Variants in LRRFIP1 observed in about 807,000 individuals in gnomAD.
The protein encoded by LRRFIP1 is LRR binding FLII interacting protein 1.
In LRRFIP1, 62 loss-of-function variants were observed where a neutral mutation model predicts 104.4. The observed-to-expected ratio is 0.59, with a 90% CI of 0.48 to 0.73. LRRFIP1 has a LOEUF of 0.73. Ranked by LOEUF, LRRFIP1 falls within the 30% of genes least tolerant of loss-of-function variation. The pLI is 0.00. For synonymous variants in LRRFIP1, 300 were observed against 299.0 expected, an observed-to-expected ratio of 1.00 and a Z score of -0.03; for missense variants, 796 against 824.5, an observed-to-expected ratio of 0.97 and a Z score of 0.42.
At chr2:237,732,704 TCTC>T (rs1404179431) in intron 8 of LRRFIP1, among the ~76,000 whole-genome samples, 2 of 152,226 alleles carry the variant, frequency 1.3e-5, no homozygotes, top group African/African-American at 4.8e-5. Context: ...CTCTTGGGTC[TCTC>T]CTCCTTTTCC....
At chr2:237,728,108 C>T (rs2150285815) in intron 8 of LRRFIP1, among the ~76,000 whole-genome samples, 173 bp downstream of exon 8, 1 of 152,194 alleles carries the variant, frequency 6.6e-6, no homozygotes, top group East Asian at 1.9e-4. Context: ...TGTTTTTCAA[C>T]TAGCAAACAT....
intron 2 of LRRFIP1, among the ~76,000 whole-genome samples, chr2:237,710,744 C>T (rs570026793): frequency 1.2e-4 from 17 of 146,456 alleles, no homozygotes; most frequent in Middle Eastern, 7.0e-3. Flanking sequence ...GGCAAGCAGT[C>T]ATCGATTTGA....
chr2:237,737,728 C>T (rs543565062), intron 10 of LRRFIP1, among the ~76,000 whole-genome samples: 1 of 152,276 alleles, frequency 6.6e-6, no homozygotes, highest in African/African-American at 2.4e-5. Flanking sequence ...TTATTTTCAA[C>T]AAGAATGCCA....
chr2:237,758,679 G>A, intron 17 of LRRFIP1, 50 bp from the exon 18 acceptor site: 1 of 1,300,072 alleles, frequency 7.7e-7, no homozygotes, highest in South Asian at 1.2e-5. Context: ...GAAGTAACTT[G>A]CTCATCTGTG....
intron 1 of LRRFIP1, among the ~76,000 whole-genome samples, chr2:237,705,678 G>T (rs369908011): frequency 6.7e-6 from 1 of 149,872 alleles, no homozygotes; most frequent in Non-Finnish European, 1.5e-5. Flanking sequence ...AAAAAAAAAA[G>T]AGCCTGGACT....
At chr2:237,778,807 C>T (rs892064186) in intron 23 of LRRFIP1, among the ~76,000 whole-genome samples, 12 of 152,018 alleles carry the variant, frequency 7.9e-5, no homozygotes, top group African/African-American at 2.7e-4. Flanking sequence ...GTCTCAGCTA[C>T]TCAGGAGGCT....
chr2:237,729,692 A>T, intron 8 of LRRFIP1: 1 of 519,734 alleles, frequency 1.9e-6, no homozygotes, highest in Non-Finnish European at 2.5e-6. Flanking sequence ...GTGCTGTTCC[A>T]TGTTCGCCTT....
intron 1 of LRRFIP1, among the ~76,000 whole-genome samples, chr2:237,646,403 T>C (rs1298797446): frequency 2.6e-5 from 4 of 151,814 alleles, no homozygotes; most frequent in African/African-American, 9.7e-5. Flanking sequence ...CCTGATGCTC[T>C]CCCTCCCCAC....
At chr2:237,745,861 G>C (rs1216240951) in intron 11 of LRRFIP1, among the ~76,000 whole-genome samples, 1 of 152,020 alleles carries the variant, frequency 6.6e-6, no homozygotes, top group Non-Finnish European at 1.5e-5. Flanking sequence ...CTATTAAACT[G>C]GATTTTCATA....
rs750398047 is a variant in LRRFIP1, at chr2:237,749,274, G to A, written c.745G>A (p.Gly249Arg). 5.9e-5 allele frequency: 95 copies of A among 1,613,692 alleles called. No homozygotes were observed. The highest frequency in any genetic ancestry group is 3.0e-5 in the Non-Finnish European group (35 of 1,179,982). ...LGGTSSRRGS[G>R]DTSISIDTEA... ...TGGGACTTCCTCTCGGAGAGGCAGC[G>A]GAGACACCTCCATCTCCATCGACAC... Residue 249 changes from glycine to arginine, a missense_variant, in exon 13 of 24, where the codon GGA becomes AGA. Physicochemically the swap from Gly to Arg is moderately radical, Grantham distance 125. Transcript: ENST00000308482.
rs747759230 is a variant in LRRFIP1 at position 237,727,848 on chromosome 2, A to G, written c.385-28A>G. The G allele has an allele frequency of 1.4e-5, 21 of 1,552,336 alleles. No homozygotes were observed. The African/African-American group carries it at 2.3e-4, about 17-fold the overall frequency. On this transcript the variant is annotated intron_variant, in intron 7 of 23. Transcript: ENST00000308482. ...GTGAATTCATTTGTGTACTGATGTCAGTTTTTCTCTTTTCTTCATTGAAAC... is the reference window on the plus strand; with the variant it reads ...GTGAATTCATTTGTGTACTGATGTCGGTTTTTCTCTTTTCTTCATTGAAAC...
intron 1 of LRRFIP1, among the ~76,000 whole-genome samples, chr2:237,634,302 T>G (rs915536732): frequency 1.5e-4 from 23 of 152,244 alleles, no homozygotes; most frequent in African/African-American, 5.3e-4. Flanking sequence ...AGGACGGGAC[T>G]TGGTGTGCAT....
intron 1 of LRRFIP1, among the ~76,000 whole-genome samples, chr2:237,640,830 C>T (rs2083845826): frequency 6.6e-6 from 1 of 152,182 alleles, no homozygotes; most frequent in South Asian, 2.1e-4. Flanking sequence ...GCGAGAGAAG[C>T]CCGAGAACCT....
In LRRFIP1 at chr2:237,703,997, G is replaced by A. The variant is rs753171221; in HGVS notation, c.97-4547G>A. ...ATAAAGGATTTGTCCTGCGCCACCG[G>A]AGCACTGGCCTGAGGTGCCCTGATC... On this transcript the variant is annotated intron_variant, in intron 1 of 23. Transcript: ENST00000308482. The surrounding 1 kb of genome is among the most constrained non-coding windows in gnomAD (Gnocchi z 4.3). Among the ~76,000 whole-genome samples the A allele has an allele frequency of 1.4e-4, 21 of 152,106 alleles. 1 individual carries two copies. The South Asian group carries it at 1.7e-3, about 12-fold the overall frequency.
intron 10 of LRRFIP1, among the ~76,000 whole-genome samples, chr2:237,736,079 G>T (rs927701255): frequency 6.6e-6 from 1 of 152,164 alleles, no homozygotes; most frequent in African/African-American, 2.4e-5. Flanking sequence ...TTATAATTTT[G>T]CTTTTGAAGT....
chr2:237,721,266 C>T (rs1035600188), intron 6 of LRRFIP1: 2 of 163,630 alleles, frequency 1.2e-5, no homozygotes, highest in African/African-American at 4.8e-5. Context: ...GGCATAGCCA[C>T]TATAGACTGC....
At chr2:237,740,252 A>T (rs1054598267) in intron 11 of LRRFIP1, among the ~76,000 whole-genome samples, 2,400 of 140,322 alleles carry the variant, frequency 0.017, 73 homozygotes, top group African/African-American at 0.056. Flanking sequence ...TAAACAGTAA[A>T]AAAAAAAAAA....
intron 5 of LRRFIP1, among the ~76,000 whole-genome samples, chr2:237,720,437 A>G (rs112871019): frequency 2.0e-5 from 3 of 151,314 alleles, no homozygotes; most frequent in African/African-American, 7.3e-5. Flanking sequence ...TTGTAGAGAC[A>G]GAGTGTTTCG....
chr2:237,654,790 A>T, intron 1 of LRRFIP1, among the ~76,000 whole-genome samples: 1 of 152,090 alleles, frequency 6.6e-6, no homozygotes, highest in Non-Finnish European at 1.5e-5. Context: ...ACCTCCAGTG[A>T]TCCCCTGCCT....
Sources: gnomAD v4.1 joint callset for allele counts (sites outside exome capture counted in the v4.1 genomes callset) on GRCh38, gnomAD v4.1.1 for gene constraint, Gnocchi (gnomAD v3.1) non-coding constraint, MANE v1.5 for transcripts, NCBI Gene and HGNC (gene_info 2026-07-23, HGNC 2026-07-21) for gene names.